The following LRRN1 variants were observed in gnomAD, a reference collection of about 807,000 sequenced individuals.
The protein encoded by LRRN1 is leucine rich repeat neuronal 1.
LRRN1 carries 14 observed loss-of-function variants against 45.8 expected under a neutral mutation model. The observed-to-expected ratio is 0.31, with a 90% CI of 0.20 to 0.48. The LOEUF (loss-of-function observed/expected upper bound fraction) is 0.48. Ranked by LOEUF, LRRN1 falls within the 20% of genes least tolerant of loss-of-function variation. The probability of loss-of-function intolerance (pLI) is 0.99; values close to 1 mark genes in which losing one functional copy is unlikely to be tolerated. For synonymous variants in LRRN1, 359 were observed against 330.1 expected, an observed-to-expected ratio of 1.09 and a Z score of -0.95; for missense variants, 789 against 874.2, an observed-to-expected ratio of 0.90 and a Z score of 1.23.
At chr3:3,800,359 C>G (rs1692620359) in intron 1 of LRRN1, among the ~76,000 whole-genome samples, 1 of 151,680 alleles carries the variant, frequency 6.6e-6, no homozygotes, top group Admixed American at 6.6e-5. Context: ...GCCCAGGGAG[C>G]TGGAAAGAGG....
chr3:3,837,762 A>C (rs909207395), intron 1 of LRRN1, among the ~76,000 whole-genome samples: 1 of 151,188 alleles, frequency 6.6e-6, no homozygotes, highest in Admixed American at 6.6e-5. Context: ...GTACCTGTGC[A>C]GGATGTGCAG....
chr3:3,824,723 T>C lies in LRRN1; in HGVS notation c.-278-19641T>C, dbSNP rs568152554. 2.5e-4 allele frequency among the ~76,000 whole-genome samples: 38 copies of C among 152,322 alleles called. No individual in the cohort carries two copies. The South Asian group carries it at 7.5e-3, about 30-fold the overall frequency. On this transcript the variant is annotated intron_variant, in intron 1 of 1. Transcript: ENST00000319331. The stretch of plus-strand genomic sequence containing the variant: ...TCATTGATGGAGCACTAAAGACTAA[T>C]GTCATTCAAAGAACTGTAGACCCTG...
intron 1 of LRRN1, among the ~76,000 whole-genome samples, chr3:3,834,525 G>GAGATATAT (rs750534210): frequency 3.7e-5 from 1 of 27,310 alleles, no homozygotes; most frequent in African/African-American, 8.6e-5. Context: ...GACAGAACAG[G>GAGATATAT]ATATATATAT....
Position 3,827,026 on chromosome 3 carries a change from A to G in LRRN1, c.-278-17338A>G, listed in dbSNP as rs139066300. ...GATCTATGCCTTACTTTCATCTTCA[A>G]CACCCATGAAAAAGACTCAGATTCA... On this transcript the variant is annotated intron_variant, in intron 1 of 1. Coordinates refer to ENST00000319331, the MANE Select transcript of LRRN1 (RefSeq NM_020873.7). 8.6e-4 allele frequency among the ~76,000 whole-genome samples: 131 copies of G among 152,254 alleles called. 1 individual carries two copies. Among genetic ancestry groups the G allele is most frequent in the African/African-American group, 3.1e-3 (128 of 41,552 alleles).
chr3:3,810,392 A>G (rs941044018), intron 1 of LRRN1, among the ~76,000 whole-genome samples: 1 of 152,250 alleles, frequency 6.6e-6, no homozygotes, highest in African/African-American at 2.4e-5. Context: ...TAAATGGTCC[A>G]TAGACAATGC....
At chr3:3,825,664 C>A (rs929517349) in intron 1 of LRRN1, among the ~76,000 whole-genome samples, 1 of 152,126 alleles carries the variant, frequency 6.6e-6, no homozygotes, top group Non-Finnish European at 1.5e-5. Flanking sequence ...TGACAATTAA[C>A]TGGGTCAATT....
rs1439641097 is a variant in LRRN1 at position 3,847,491 on chromosome 3, A to G, written c.*699A>G. 1 of 166,812 alleles carries G rather than the reference A, an allele frequency of 6.0e-6. No individual in the cohort carries two copies. The highest frequency in any genetic ancestry group is 1.5e-5 in the Non-Finnish European group (1 of 68,082). 10.3% of individuals were successfully genotyped at this position (166,812 alleles called of 1,614,324 possible). On this transcript the variant is annotated 3_prime_UTR_variant, in exon 2 of 2. Coordinates refer to ENST00000319331, the MANE Select transcript of LRRN1 (RefSeq NM_020873.7). The stretch of plus-strand genomic sequence containing the variant: ...TGTAACAAACTACATGTTAATTGTT[A>G]TCTTATTCTTTTTATCTTTAGTAGA...
intron 1 of LRRN1, among the ~76,000 whole-genome samples, chr3:3,828,437 G>A (rs182501882): frequency 1.6e-3 from 249 of 151,842 alleles, no homozygotes; most frequent in African/African-American, 5.7e-3. Flanking sequence ...ACCAGATTAA[G>A]GGTGGGTCTG....
intron 1 of LRRN1, among the ~76,000 whole-genome samples, chr3:3,838,927 T>G (rs1559306830): frequency 6.6e-6 from 1 of 152,152 alleles, no homozygotes; most frequent in Non-Finnish European, 1.5e-5. Flanking sequence ...ATATATATAA[T>G]TTAAAAATAT....
intron 1 of LRRN1, among the ~76,000 whole-genome samples, chr3:3,805,091 T>C (rs1692725984): frequency 6.6e-6 from 1 of 152,198 alleles, no homozygotes; most frequent in African/African-American, 2.4e-5. Context: ...CTTTGTGAGA[T>C]AATGTATTAG....
chr3:3,844,082 G>A (rs1042501061), intron 1 of LRRN1, among the ~76,000 whole-genome samples: 1 of 152,064 alleles, frequency 6.6e-6, no homozygotes, highest in Non-Finnish European at 1.5e-5. Context: ...GACTTTACAT[G>A]TGTATACATA....
intron 1 of LRRN1, among the ~76,000 whole-genome samples, chr3:3,825,655 G>A (rs1466394198): frequency 6.6e-6 from 1 of 152,114 alleles, no homozygotes; most frequent in East Asian, 1.9e-4. Context: ...TTGTTCCCCT[G>A]ACAATTAACT....
At chr3:3,832,429 G>A (rs1693392772) in intron 1 of LRRN1, among the ~76,000 whole-genome samples, 1 of 152,124 alleles carries the variant, frequency 6.6e-6, no homozygotes, top group Admixed American at 6.6e-5. Context: ...ACTGTAAGTT[G>A]GACCTGAGCT....
rs1471922983 is a variant in LRRN1 at position 3,849,431 on chromosome 3, A to G, written c.*2639A>G. The stretch of plus-strand genomic sequence containing the variant: ...CTGATAGAAAACAAAATGATAGAGT[A>G]CTTTTTTCCTTGGCCAAGTATTTTC... On this transcript the variant is annotated 3_prime_UTR_variant, in exon 2 of 2. Coordinates refer to ENST00000319331, the MANE Select transcript of LRRN1 (RefSeq NM_020873.7). Among the ~76,000 whole-genome samples, 1 of 152,204 alleles carries G rather than the reference A, an allele frequency of 6.6e-6. No homozygotes were observed. The highest frequency in any genetic ancestry group is 1.5e-5 in the Non-Finnish European group (1 of 68,028).
rs78117235 is a variant in LRRN1, at chr3:3,816,229, C to T, written c.-279+16310C>T. On this transcript the variant is annotated intron_variant, in intron 1 of 1. Transcript: ENST00000319331. This position sits in a 1 kb window ranked among gnomAD's most constrained non-coding sequence, Gnocchi z 4.0. ...CAAGCCTAGACTGTGTAATTAAGGA[C>T]CATCCACTAATGTGCACTGGTGGAT... 4.3e-4 allele frequency among the ~76,000 whole-genome samples: 65 copies of T among 152,244 alleles called. 1 individual carries two copies. In the East Asian group the frequency reaches 0.012, roughly 29 times the overall value.
chr3:3,815,978 C>G (rs1379725644), intron 1 of LRRN1, among the ~76,000 whole-genome samples: 1 of 152,068 alleles, frequency 6.6e-6, no homozygotes, highest in Non-Finnish European at 1.5e-5. Flanking sequence ...AATGCAACTA[C>G]AATTTCTATT....
intron 1 of LRRN1, among the ~76,000 whole-genome samples, chr3:3,843,093 TGA>T (rs1336986802): frequency 6.6e-6 from 1 of 152,234 alleles, no homozygotes; most frequent in African/African-American, 2.4e-5. Flanking sequence ...GCATATAATG[TGA>T]GTCAGCTACT....
chr3:3,835,758 T>TTA (rs1693496578), intron 1 of LRRN1, among the ~76,000 whole-genome samples: 1 of 152,112 alleles, frequency 6.6e-6, no homozygotes, highest in African/African-American at 2.4e-5. Context: ...CACAATGCTA[T>TTA]GGGGAAAGTG....
chr3:3,812,521 C>G, intron 1 of LRRN1, among the ~76,000 whole-genome samples: 1 of 152,160 alleles, frequency 6.6e-6, no homozygotes, highest in East Asian at 1.9e-4. Flanking sequence ...TCTTTTCTGC[C>G]TACTTCCAAA....
Sources: gnomAD v4.1 joint callset for allele counts (sites outside exome capture counted in the v4.1 genomes callset) on GRCh38, gnomAD v4.1.1 for gene constraint, Gnocchi (gnomAD v3.1) non-coding constraint, MANE v1.5 for transcripts, NCBI Gene and HGNC (gene_info 2026-07-23, HGNC 2026-07-21) for gene names.